The following LOC400499 variants were observed in gnomAD, a reference collection of about 807,000 sequenced individuals.
At chr16:11,452,205 GT>G in the LOC400499 span, among the ~76,000 whole-genome samples, 35,007 of 89,750 alleles carry the variant, frequency 0.39, 3,838 homozygotes, top group Middle Eastern at 0.48. Flanking sequence ...TTTTTTGTTT[GT>G]TTTTTTTTTT....
At chr16:11,388,432 G>A in the LOC400499 span, among the ~76,000 whole-genome samples, 1 of 152,306 alleles carries the variant, frequency 6.6e-6, no homozygotes, top group South Asian at 2.1e-4. Flanking sequence ...GAGCACTGAG[G>A]CAGAGGAATC....
chr16:11,462,468 C>T, the LOC400499 span: 1 of 983,140 alleles, frequency 1.0e-6, no homozygotes, highest in African/African-American at 1.7e-5. Context: ...CTCACTTTGT[C>T]TCCCAAGCTG....
the LOC400499 span, among the ~76,000 whole-genome samples, chr16:11,444,329 T>A: frequency 6.6e-6 from 1 of 151,868 alleles, no homozygotes; most frequent in Admixed American, 6.6e-5. Flanking sequence ...GCTTGGGAGG[T>A]CAAGGCTGCA....
At chr16:11,391,288 C>T in the LOC400499 span, among the ~76,000 whole-genome samples, 95 of 152,282 alleles carry the variant, frequency 6.2e-4, no homozygotes, top group African/African-American at 2.2e-3. Context: ...CAGGTGTGAG[C>T]CTTTAATGAC....
At chr16:11,500,536 A>AATAATAATAATAATAATCATC in the LOC400499 span, among the ~76,000 whole-genome samples, 3 of 150,826 alleles carry the variant, frequency 2.0e-5, no homozygotes, top group Non-Finnish European at 1.5e-5. Flanking sequence ...TAATAATAAT[A>AATAATAATAATAATAATCATC]ATCAGAAAAG....
chr16:11,401,555 C>T, the LOC400499 span: 3 of 397,926 alleles, frequency 7.5e-6, no homozygotes, highest in South Asian at 1.4e-4. Flanking sequence ...GCAAGGCCCT[C>T]GGAGAGCTCA....
At chr16:11,481,858 C>T in the LOC400499 span, among the ~76,000 whole-genome samples, 1 of 152,230 alleles carries the variant, frequency 6.6e-6, no homozygotes, top group East Asian at 1.9e-4. Context: ...TGGTCTTGAA[C>T]TCTTGAGCTC....
the LOC400499 span, among the ~76,000 whole-genome samples, chr16:11,426,411 C>A: frequency 4.6e-5 from 7 of 152,104 alleles, no homozygotes; most frequent in Non-Finnish European, 5.9e-5. Context: ...CCACTGCACT[C>A]CAGTCTGGGA....
At chr16:11,376,973 T>G in the LOC400499 span, among the ~76,000 whole-genome samples, 1 of 148,840 alleles carries the variant, frequency 6.7e-6, no homozygotes, top group African/African-American at 2.5e-5. Context: ...GATGTCTCAC[T>G]GTGTTGCCCA....
At chr16:11,397,243 T>A in the LOC400499 span, among the ~76,000 whole-genome samples, 3 of 152,162 alleles carry the variant, frequency 2.0e-5, no homozygotes, top group African/African-American at 4.8e-5. Flanking sequence ...AAACTATGGT[T>A]TGGGGCCGAA....
At chr16:11,490,396 GAA>G in the LOC400499 span, among the ~76,000 whole-genome samples, 10 of 60,588 alleles carry the variant, frequency 1.7e-4, no homozygotes, top group African/African-American at 5.2e-4. Context: ...ACTCTGTCTC[GAA>G]AAAAAAAAAA....
the LOC400499 span, among the ~76,000 whole-genome samples, chr16:11,456,270 C>G: frequency 6.6e-6 from 1 of 152,168 alleles, no homozygotes; most frequent in African/African-American, 2.4e-5. Flanking sequence ...ATCTTGAACT[C>G]CTGACCTCAA....
At chr16:11,412,046 T>C in the LOC400499 span, among the ~76,000 whole-genome samples, 4 of 152,134 alleles carry the variant, frequency 2.6e-5, no homozygotes, top group East Asian at 7.7e-4. Flanking sequence ...AGATTTTTTG[T>C]AGCGATGGGG....
the LOC400499 span, among the ~76,000 whole-genome samples, chr16:11,441,635 T>A: frequency 6.6e-6 from 1 of 151,948 alleles, no homozygotes; most frequent in Non-Finnish European, 1.5e-5. Context: ...ATGAGGAGAT[T>A]ATCTGGGTGG....
At chr16:11,510,446 G>T in the LOC400499 span, among the ~76,000 whole-genome samples, 2 of 151,798 alleles carry the variant, frequency 1.3e-5, no homozygotes, top group African/African-American at 4.9e-5. Flanking sequence ...TCTTCCCAAA[G>T]CTGACCTTGT....
the LOC400499 span, among the ~76,000 whole-genome samples, chr16:11,415,186 C>A: frequency 5.3e-5 from 8 of 152,194 alleles, no homozygotes; most frequent in Non-Finnish European, 1.2e-4. Flanking sequence ...CCATCACCCC[C>A]TACAGAACAG....
the LOC400499 span, among the ~76,000 whole-genome samples, chr16:11,395,462 G>T: frequency 0.023 from 3,549 of 152,306 alleles, 96 homozygotes; most frequent in Middle Eastern, 0.088. Flanking sequence ...CCGGGGGCAG[G>T]CAGGGGCCTG....
the LOC400499 span, among the ~76,000 whole-genome samples, chr16:11,427,006 C>CA: frequency 0.2 from 30,352 of 149,032 alleles, 5,331 homozygotes; most frequent in African/African-American, 0.47. Context: ...AATAAATGGG[C>CA]AAAAAAAAAT....
At chr16:11,419,159 C>A in the LOC400499 span, among the ~76,000 whole-genome samples, 1 of 149,954 alleles carries the variant, frequency 6.7e-6, no homozygotes, top group Admixed American at 6.6e-5. Context: ...GGGCAAAACT[C>A]TGTCTCAAAA....
Sources: gnomAD v4.1 joint callset for allele counts (sites outside exome capture counted in the v4.1 genomes callset) on GRCh38, gnomAD v4.1.1 for gene constraint, MANE v1.5 for transcripts.